PTGER3: variants seen among roughly 807,000 people sequenced by gnomAD.
PTGER3 encodes prostaglandin E2 receptor EP3 subtype.
PTGER3 carries 22 observed loss-of-function variants against 34.7 expected under a neutral mutation model. The observed-to-expected ratio is 0.63, with a 90% CI of 0.45 to 0.91. The LOEUF is 0.91. PTGER3 is among the 40% of genes least tolerant of loss of function. The probability of loss-of-function intolerance (pLI) is 0.00; values close to 1 mark genes in which losing one functional copy is unlikely to be tolerated. For missense variants in PTGER3, 468 were observed against 519.4 expected (o/e 0.90, Z 0.96); for synonymous variants, 241 against 230.1 (o/e 1.05, Z -0.43).
intron 2 of PTGER3, among the ~76,000 whole-genome samples, chr1:70,982,988 C>T (rs1472611636): frequency 2.0e-5 from 3 of 151,866 alleles, no homozygotes; most frequent in African/African-American, 7.3e-5. Context: ...TCACAAATTT[C>T]TAAAAAGAGG....
At chr1:70,957,468 T>C (rs974116708) in intron 2 of PTGER3, among the ~76,000 whole-genome samples, 1 of 152,222 alleles carries the variant, frequency 6.6e-6, no homozygotes, top group East Asian at 1.9e-4. Flanking sequence ...TTTAAAAACT[T>C]TGTACTATTT....
At chr1:70,875,834 A>G (rs1646261032) in intron 4 of PTGER3, among the ~76,000 whole-genome samples, 1 of 151,958 alleles carries the variant, frequency 6.6e-6, no homozygotes, top group Non-Finnish European at 1.5e-5. Flanking sequence ...TATGTTGTAT[A>G]TCCATCCATG....
intron 4 of PTGER3, among the ~76,000 whole-genome samples, chr1:70,932,823 A>G (rs1321164690): frequency 6.6e-6 from 1 of 152,134 alleles, no homozygotes; most frequent in Non-Finnish European, 1.5e-5. Flanking sequence ...AGCTTGCTGA[A>G]TTCTACCCTT....
intron 4 of PTGER3, among the ~76,000 whole-genome samples, chr1:70,904,838 TG>T (rs1228332264): frequency 6.6e-6 from 1 of 152,132 alleles, no homozygotes; most frequent in Non-Finnish European, 1.5e-5. Flanking sequence ...TGCAGAAATT[TG>T]TATAAGTAGT....
At chr1:70,891,853 T>C (rs566111562) in intron 4 of PTGER3, among the ~76,000 whole-genome samples, 1 of 152,372 alleles carries the variant, frequency 6.6e-6, no homozygotes, top group Non-Finnish European at 1.5e-5. Context: ...TCCTAATAAA[T>C]GCTTTATATA....
rs886831240 is a variant in PTGER3, at chr1:71,011,317, T to C, written c.1077+988A>G. 1.6e-5 allele frequency: 16 copies of C among 985,228 alleles called. No individual in the cohort carries two copies. In the African/African-American group the frequency reaches 2.8e-4, roughly 17 times the overall value. 61.0% of individuals were successfully genotyped at this position (985,228 alleles called of 1,614,324 possible). ...AAATATGGAAAGTATTCATTGAGTC[T>C]TCAAAATATTTATTTGTTTTGGAAT... On this transcript the variant is annotated intron_variant, in intron 2 of 3. Transcript: ENST00000306666.
At chr1:70,885,214 TTCTGAGGTTCTCTGTGGTTGC>T (rs1646471766) in intron 4 of PTGER3, among the ~76,000 whole-genome samples, 3 of 152,304 alleles carry the variant, frequency 2.0e-5, no homozygotes, top group South Asian at 2.1e-4. Flanking sequence ...TGAGTTGGAC[TTCTGAGGTTCTCTGTGGTTGC>T]TCTGAAGCAA....
downstream of PTGER3, among the ~76,000 whole-genome samples, chr1:70,966,490 C>T (rs1289619941): frequency 6.6e-6 from 1 of 151,826 alleles, no homozygotes; most frequent in Non-Finnish European, 1.5e-5. Flanking sequence ...TTTCTTTATT[C>T]TAAAAAAAAC....
At chr1:70,868,859 G>T (rs1646101192) in intron 4 of PTGER3, among the ~76,000 whole-genome samples, 1 of 152,162 alleles carries the variant, frequency 6.6e-6, no homozygotes, top group Admixed American at 6.5e-5. Context: ...ATAGTGGGAG[G>T]TTGTGGGAGC....
At chr1:70,879,712 C>T (rs1049629481) in intron 4 of PTGER3, among the ~76,000 whole-genome samples, 1 of 152,172 alleles carries the variant, frequency 6.6e-6, no homozygotes, top group African/African-American at 2.4e-5. Flanking sequence ...CTCTTGAAGA[C>T]AGCATACAGT....
intron 4 of PTGER3, among the ~76,000 whole-genome samples, chr1:70,896,007 A>T (rs1320389793): frequency 6.6e-6 from 1 of 152,168 alleles, no homozygotes; most frequent in Non-Finnish European, 1.5e-5. Context: ...GATTCCAGCT[A>T]CTCTTTCTGG....
chr1:71,037,528 A>G (rs1390120875), intron 1 of PTGER3, among the ~76,000 whole-genome samples: 1 of 152,250 alleles, frequency 6.6e-6, no homozygotes, highest in East Asian at 1.9e-4. Context: ...GCTGGATAAA[A>G]GAATGTGTGA....
At chr1:70,925,357 T>C (rs2100463945) in intron 4 of PTGER3, among the ~76,000 whole-genome samples, 1 of 152,334 alleles carries the variant, frequency 6.6e-6, no homozygotes, top group Admixed American at 6.5e-5. Context: ...GCTATGTATA[T>C]GTGTCACTAC....
intron 2 of PTGER3, among the ~76,000 whole-genome samples, chr1:70,964,687 G>A (rs1046984459): frequency 6.6e-6 from 1 of 152,204 alleles, no homozygotes; most frequent in Non-Finnish European, 1.5e-5. Flanking sequence ...CAGGGACAGA[G>A]CCAAACCATA....
intron 1 of PTGER3, among the ~76,000 whole-genome samples, chr1:71,019,281 A>C (rs1409132088): frequency 6.6e-6 from 1 of 152,208 alleles, no homozygotes; most frequent in Non-Finnish European, 1.5e-5. Context: ...TGGTTTTAGC[A>C]AACACACATA....
chr1:70,972,029 A>G (rs1313017846), intron 3 of PTGER3, among the ~76,000 whole-genome samples: 1 of 152,144 alleles, frequency 6.6e-6, no homozygotes, highest in Non-Finnish European at 1.5e-5. Flanking sequence ...ATATTTTCCT[A>G]TCAAAACATC....
At chr1:70,894,908 C>T (rs1054845731) in intron 4 of PTGER3, among the ~76,000 whole-genome samples, 2 of 152,214 alleles carry the variant, frequency 1.3e-5, no homozygotes, top group African/African-American at 2.4e-5. Context: ...CACCAAAATC[C>T]AATCTCTTCA....
chr1:70,916,384 A>G (rs998832039), intron 4 of PTGER3, among the ~76,000 whole-genome samples: 1 of 152,108 alleles, frequency 6.6e-6, no homozygotes, highest in Non-Finnish European at 1.5e-5. Context: ...TACTGGGTAC[A>G]TACTCAAAGG....
At chr1:70,952,989 C>G in exon 4 of PTGER3, 1 of 1,612,992 alleles carries the variant, frequency 6.2e-7, no homozygotes. Context: ...GTTCAGCACA[C>G]GATAGGTTTG....
Sources: allele counts gnomAD v4.1 joint callset (sites outside exome capture counted in the v4.1 genomes callset), GRCh38; gene constraint gnomAD v4.1.1; transcripts MANE v1.5; gene names NCBI Gene and HGNC (gene_info 2026-07-23, HGNC 2026-07-21).